RAB38: variants seen among roughly 807,000 people sequenced by gnomAD.
RAB38 encodes the protein ras-related protein Rab-38.
Under a neutral mutation model 18.4 loss-of-function variants are expected in RAB38, and 15 were observed. That is an observed-to-expected ratio of 0.82 (90% CI 0.55 to 1.26). The LOEUF (loss-of-function observed/expected upper bound fraction) is 1.26. Ranked by LOEUF, RAB38 falls within the 50% of genes most tolerant of loss-of-function variation. The pLI is 0.00. For missense variants in RAB38, 294 were observed against 267.4 expected (o/e 1.10, Z -0.69); for synonymous variants, 101 against 104.4 (o/e 0.97, Z 0.20).
chr11:87,907,397 GTCT>G, the RAB38 span, among the ~76,000 whole-genome samples: 1 of 151,426 alleles, frequency 6.6e-6, no homozygotes. Context: ...AAATTGGTTT[GTCT>G]TTTTTGCAAG....
chr11:87,853,295 G>A, the RAB38 span, among the ~76,000 whole-genome samples: 2 of 152,116 alleles, frequency 1.3e-5, no homozygotes, highest in African/African-American at 2.4e-5. Context: ...CCTTTGGGAG[G>A]CAATTAGGTT....
chr11:87,886,824 G>T, the RAB38 span, among the ~76,000 whole-genome samples: 46 of 138,966 alleles, frequency 3.3e-4, no homozygotes, highest in Non-Finnish European at 4.4e-4. Context: ...TGAAGCACTT[G>T]TTTTTTTTTT....
the RAB38 span, among the ~76,000 whole-genome samples, chr11:87,905,032 G>C: frequency 3.2e-4 from 49 of 151,648 alleles, no homozygotes; most frequent in African/African-American, 1.1e-3. Flanking sequence ...TATTTTACTA[G>C]TTGATATCGT....
the RAB38 span, among the ~76,000 whole-genome samples, chr11:88,053,296 T>C: frequency 6.9e-4 from 41 of 59,416 alleles, no homozygotes; most frequent in East Asian, 1.9e-3. Flanking sequence ...AATATATATA[T>C]ACACACATAT....
At chr11:88,070,876 GA>G in the RAB38 span, among the ~76,000 whole-genome samples, 1 of 152,186 alleles carries the variant, frequency 6.6e-6, no homozygotes, top group African/African-American at 2.4e-5. Flanking sequence ...CAAGGAGAAA[GA>G]GGACACATGA....
At chr11:87,816,678 A>G in the RAB38 span, among the ~76,000 whole-genome samples, 1 of 152,116 alleles carries the variant, frequency 6.6e-6, no homozygotes, top group Admixed American at 6.5e-5. Context: ...CGGTCTAGAT[A>G]TATACATACG....
the RAB38 span, among the ~76,000 whole-genome samples, chr11:87,943,489 C>T: frequency 1.2e-4 from 18 of 152,090 alleles, no homozygotes; most frequent in Middle Eastern, 3.4e-3. Flanking sequence ...TGCAAGATGC[C>T]GTGGTTTTGT....
At position 88,164,024 on chromosome 11, in the gene RAB38, T is replaced by A. The variant is rs1459298714; in HGVS notation, c.202+11159A>T. Among the ~76,000 whole-genome samples, 4 of 152,156 alleles carry A rather than the reference T, an allele frequency of 2.6e-5. No homozygotes were observed. In the East Asian group the frequency reaches 7.7e-4, roughly 29 times the overall value. On this transcript the variant is annotated intron_variant, in intron 1 of 2. Coordinates refer to ENST00000243662, the MANE Select transcript of RAB38 (RefSeq NM_022337.3). ...TCAAGACAGAAGGACCAGCATCTCA[T>A]GTTTATAATCAAATAAACAACCTAA... is the stretch of plus-strand genomic sequence containing the variant.
At chr11:88,116,442 A>T (rs1456474652) in intron 2 of RAB38, among the ~76,000 whole-genome samples, 3 of 152,178 alleles carry the variant, frequency 2.0e-5, no homozygotes, top group Non-Finnish European at 4.4e-5. Context: ...TTATACCCCA[A>T]ATACCAAACA....
the RAB38 span, among the ~76,000 whole-genome samples, chr11:87,896,366 A>T: frequency 6.6e-6 from 1 of 151,674 alleles, no homozygotes; most frequent in Admixed American, 6.6e-5. Context: ...TAGGGAGGTG[A>T]ACCATCCAAT....
the RAB38 span, among the ~76,000 whole-genome samples, chr11:88,012,870 G>C: frequency 2.6e-4 from 39 of 152,192 alleles, 1 homozygote; most frequent in South Asian, 7.9e-3. Flanking sequence ...TTTTAAAAAA[G>C]CTCAAATGTA....
the RAB38 span, among the ~76,000 whole-genome samples, chr11:88,053,192 CATATATATGGAATATATATAT>C: frequency 5.0e-5 from 5 of 100,626 alleles, no homozygotes; most frequent in African/African-American, 1.6e-4. Flanking sequence ...TATATACACA[CATATATATGGAATATATATAT>C]ACACACATAT....
At chr11:87,895,220 A>C in the RAB38 span, among the ~76,000 whole-genome samples, 1 of 45,854 alleles carries the variant, frequency 2.2e-5, no homozygotes, top group Non-Finnish European at 4.1e-5. Flanking sequence ...ATGCCATTAA[A>C]CATTCTTGCC....
the RAB38 span, among the ~76,000 whole-genome samples, chr11:87,976,632 TATG>T: frequency 2.6e-5 from 3 of 117,184 alleles, no homozygotes; most frequent in African/African-American, 3.4e-5. Flanking sequence ...TATAAATATA[TATG>T]ATTTTATATG....
downstream of RAB38, among the ~76,000 whole-genome samples, chr11:88,109,369 C>G (rs1942443156): frequency 6.6e-6 from 1 of 152,144 alleles, no homozygotes; most frequent in African/African-American, 2.4e-5. Context: ...CAAAAATTAA[C>G]TCAAGATGGA....
chr11:87,939,530 C>T, the RAB38 span, among the ~76,000 whole-genome samples: 9 of 151,970 alleles, frequency 5.9e-5, no homozygotes, highest in African/African-American at 2.2e-4. Flanking sequence ...TTGTCCTTCT[C>T]AAATCTTAAA....
downstream of RAB38, among the ~76,000 whole-genome samples, chr11:88,108,894 G>C (rs1280510516): frequency 6.6e-6 from 1 of 152,122 alleles, no homozygotes; most frequent in Non-Finnish European, 1.5e-5. Flanking sequence ...CTTTGCTTAT[G>C]AATCTTAGTT....
chr11:88,051,677 T>C, the RAB38 span, among the ~76,000 whole-genome samples: 2 of 152,192 alleles, frequency 1.3e-5, no homozygotes, highest in African/African-American at 4.8e-5. Flanking sequence ...AGCACAGATG[T>C]TGAAATTATC....
chr11:87,922,139 A>C, the RAB38 span, among the ~76,000 whole-genome samples: 1 of 152,022 alleles, frequency 6.6e-6, no homozygotes, highest in Non-Finnish European at 1.5e-5. Context: ...CCAGAACACA[A>C]TAAACTCCAC....
Sources: allele counts gnomAD v4.1 joint callset (sites outside exome capture counted in the v4.1 genomes callset), GRCh38; gene constraint gnomAD v4.1.1; transcripts MANE v1.5; gene names NCBI Gene and HGNC (gene_info 2026-07-23, HGNC 2026-07-21).